MBOAT7: variants seen among roughly 807,000 people sequenced by gnomAD.
MBOAT7 encodes the protein membrane-bound acylglycerophosphatidylinositol O-acyltransferase MBOAT7.
Under a neutral mutation model 47.4 loss-of-function variants are expected in MBOAT7, and 40 were observed. The observed-to-expected ratio is 0.84, with a 90% confidence interval of 0.66 to 1.10. MBOAT7 has a LOEUF of 1.10. MBOAT7 is among the 50% of genes least tolerant of loss of function. MBOAT7 has a pLI of 0.00. For synonymous variants in MBOAT7, 361 were observed against 292.0 expected (o/e 1.24, Z -2.41); for missense variants, 680 against 655.6 (o/e 1.04, Z -0.41).
intron 4 of MBOAT7, 102 bp downstream of exon 4, chr19:54,187,059 G>A: frequency 2.2e-6 from 3 of 1,371,418 alleles, no homozygotes; most frequent in Non-Finnish European, 2.9e-6. Flanking sequence ...CCCAGGGTGT[G>A]TTGGAGGTAA....
intron 7 of MBOAT7, among the ~76,000 whole-genome samples, chr19:54,177,558 T>TTGC (rs1380830488): frequency 1.3e-5 from 2 of 151,866 alleles, no homozygotes; most frequent in Non-Finnish European, 2.9e-5. Context: ...GCCTCCCAAA[T>TTGC]TGCTGGGATT....
intron 7 of MBOAT7, 114 bp from the exon 8 acceptor site, chr19:54,174,545 G>A: frequency 9.0e-7 from 1 of 1,105,518 alleles, no homozygotes; most frequent in Non-Finnish European, 1.2e-6. Context: ...AGAAGTGCAG[G>A]CCCAGCCCCT....
In MBOAT7 at chr19:54,173,451, G is replaced by A. The variant is rs2075968825; in HGVS notation, c.*593C>T. ...ACTTTATTGGGAAAGATTTACACAC[G>A]GTGACCTGTCATAGGCCAAGCGATG... On this transcript the variant is annotated 3_prime_UTR_variant, in exon 8 of 8. Transcript: ENST00000245615. The A allele has an allele frequency of 3.9e-6, 1 of 259,516 alleles. No homozygotes were observed. The highest frequency in any genetic ancestry group is 5.1e-5 in the Admixed American group (1 of 19,564). The allele number at this position is 259,516 out of a possible 1,614,324, so 16.1% of individuals were successfully genotyped here. A position where few individuals can be genotyped will look rare whatever the true frequency, so the allele number is the denominator to read the frequency against.
rs138088656 is a variant in MBOAT7, at chr19:54,187,142, G to T, written c.333+19C>A. 7,561 of 1,546,420 alleles carry T rather than the reference G, an allele frequency of 4.9e-3. 16 individuals are homozygous for T. The highest frequency in any genetic ancestry group is 6.1e-3 in the Non-Finnish European group (7,012 of 1,148,616). ...GCCCACAGGGAGGCTGGAGGGGAGT[G>T]GCAAGCCCCGAGTCTGACCTTCAGC... On this transcript the variant is annotated intron_variant, in intron 4 of 7. Transcript: ENST00000245615.
In MBOAT7 at chr19:54,181,074, C is replaced by T; in HGVS notation, c.553G>A (p.Val185Met). The T allele has an allele frequency of 6.5e-7, 1 of 1,528,546 alleles. No homozygotes were observed. The highest frequency in any genetic ancestry group is 8.8e-7 in the Non-Finnish European group (1 of 1,137,690). The allele number at this position is 1,528,546 out of a possible 1,614,324, so 94.7% of individuals were successfully genotyped here. A position where few individuals can be genotyped will look rare whatever the true frequency, so the allele number is the denominator to read the frequency against. The change falls in exon 6 of 8, where the codon GTG (valine) becomes ATG (methionine). Residue 185 changes from valine to methionine, a missense_variant. By Grantham distance (21) the Val-to-Met change is conservative. Transcript: ENST00000245615. ...DWLEQPFPGA[V>M]PSLRPLLRRA... is the part of the protein sequence containing the mutation. ...CGCAGCAGGGGCCGCAGGCTGGGCA[C>T]TGCCCCGGGGAAGGGCTGCTCCAGC...
chr19:54,182,499 T>TG (rs1399208526), intron 5 of MBOAT7, among the ~76,000 whole-genome samples: 1 of 62,304 alleles, frequency 1.6e-5, no homozygotes, highest in Non-Finnish European at 3.4e-5. Context: ...GTATGTTTTG[T>TG]GTTTTGTTTT....
chr19:54,175,252 A>G (rs1172255762), intron 7 of MBOAT7, among the ~76,000 whole-genome samples: 1 of 152,180 alleles, frequency 6.6e-6, no homozygotes, highest in African/African-American at 2.4e-5. Flanking sequence ...TGCTGGGATC[A>G]CAGGTGTCAG....
In MBOAT7 at chr19:54,176,100, C is replaced by T. The variant is rs566738315; in HGVS notation, c.1032-1669G>A. The stretch of plus-strand genomic sequence containing the variant: ...TCGATCTCCTGACCTTGTGATCCAC[C>T]CACCTTGGCCTCCCAAAGTGCTGGG... On this transcript the variant is annotated intron_variant, in intron 7 of 7. Coordinates refer to ENST00000245615, the MANE Select transcript of MBOAT7 (RefSeq NM_024298.5). Among the ~76,000 whole-genome samples, 18 of 152,180 alleles carry T rather than the reference C, an allele frequency of 1.2e-4. No homozygotes were observed. In the South Asian group the frequency reaches 3.7e-3, roughly 32 times the overall value.
chr19:54,174,483 A>G (rs768989947), intron 7 of MBOAT7, 52 bp from the exon 8 acceptor site: 7 of 1,464,342 alleles, frequency 4.8e-6, no homozygotes, highest in South Asian at 2.8e-5. Flanking sequence ...CCCAGTGCCC[A>G]CTGCCCCCAG....
In MBOAT7 at chr19:54,174,267, T is replaced by G. The variant is rs2076008543; in HGVS notation, c.1196A>C (p.His399Pro). The G allele has an allele frequency of 6.2e-7, 1 of 1,611,726 alleles. No homozygotes were observed. Among genetic ancestry groups the G allele is most frequent in the Non-Finnish European group, 8.5e-7 (1 of 1,178,762 alleles). ...PGGQKAWDWV[H>P]WFLKMRAYDY... ...ATAGGCGCGCATCTTCAGGAACCAG[T>G]GCACCCAGTCCCAGGCCTTCTGGCC... Residue 399 changes from histidine to proline, a missense_variant, in exon 8 of 8, where the codon CAC becomes CCC. Coordinates refer to ENST00000245615, the MANE Select transcript of MBOAT7 (RefSeq NM_024298.5).
At chr19:54,175,273 C>T (rs1213311472) in intron 7 of MBOAT7, among the ~76,000 whole-genome samples, 1 of 152,176 alleles carries the variant, frequency 6.6e-6, no homozygotes, top group African/African-American at 2.4e-5. Flanking sequence ...ACACCACACC[C>T]GGGCAGCCCG....
chr19:54,188,264 A>T lies in MBOAT7; in HGVS notation c.159T>A (p.Ser53=), dbSNP rs148096052. The T allele has an allele frequency of 5.3e-5, 85 of 1,613,772 alleles. No individual in the cohort carries two copies. The highest frequency in any genetic ancestry group is 7.2e-5 in the Non-Finnish European group (85 of 1,179,938). ...CCCAGGTCCCGAGGATGGTGACCAG[A>T]GAATGCAAAGTGTGGGGGCCACAGG... is the stretch of plus-strand genomic sequence containing the variant. ...LFTCGPHTLH[S]LVTILGTWAL... is the part of the protein sequence containing the mutation. Residue 53 remains serine, a synonymous_variant, in exon 3 of 8, where the codon TCT becomes TCA. Coordinates refer to ENST00000245615, the MANE Select transcript of MBOAT7 (RefSeq NM_024298.5).
Position 54,181,081 on chromosome 19 carries a change from G to A in MBOAT7, c.546C>T (p.Pro182=), listed in dbSNP as rs754522503. 752 of 1,525,134 alleles carry A rather than the reference G, an allele frequency of 4.9e-4. No individual in the cohort carries two copies. The highest frequency in any genetic ancestry group is 6.0e-4 in the Non-Finnish European group (680 of 1,136,148). The allele number at this position is 1,525,134 out of a possible 1,614,324, so 94.5% of individuals were successfully genotyped here. ...TYLDWLEQPF[P]GAVPSLRPLL... is the part of the protein sequence containing the mutation. ...GGGGCCGCAGGCTGGGCACTGCCCC[G>A]GGGAAGGGCTGCTCCAGCCAGTCCA... The change falls in exon 6 of 8, where the codon CCC becomes CCT. Residue 182 remains proline (P), a synonymous_variant. Coordinates refer to ENST00000245615, the MANE Select transcript of MBOAT7 (RefSeq NM_024298.5).
rs139767697 is a variant in MBOAT7, at chr19:54,180,330, G to A, written c.854+443C>T. On this transcript the variant is annotated intron_variant, in intron 6 of 7. Coordinates refer to ENST00000245615, the MANE Select transcript of MBOAT7 (RefSeq NM_024298.5). The surrounding 1 kb of genome is among the most constrained non-coding windows in gnomAD (Gnocchi z 5.2). The stretch of plus-strand genomic sequence containing the variant: ...TCTGGTAAAAAGGAGGTGAGCTACT[G>A]TTGCTAGGGATCCTGCTTCCCTAGC... 3.9e-3 allele frequency: 619 copies of A among 160,532 alleles called. 2 individuals carry two copies. The highest frequency in any genetic ancestry group is 6.3e-3 in the Non-Finnish European group (466 of 73,904). The allele number at this position is 160,532 out of a possible 1,614,324, so 9.9% of individuals were successfully genotyped here.
At chr19:54,182,112 C>T (rs2147001004) in intron 5 of MBOAT7, among the ~76,000 whole-genome samples, 1 of 151,858 alleles carries the variant, frequency 6.6e-6, no homozygotes, top group African/African-American at 2.4e-5. Flanking sequence ...AGCTGTGGCA[C>T]TTTAGCTACA....
At chr19:54,184,547 T>C (rs2076378111) in intron 4 of MBOAT7, among the ~76,000 whole-genome samples, 1 of 152,062 alleles carries the variant, frequency 6.6e-6, no homozygotes, top group Non-Finnish European at 1.5e-5. Context: ...TAAGATGGCC[T>C]TGGGCTGGCT....
intron 7 of MBOAT7, among the ~76,000 whole-genome samples, chr19:54,175,247 G>A (rs1056250352): frequency 6.6e-6 from 1 of 152,186 alleles, no homozygotes; most frequent in Non-Finnish European, 1.5e-5. Flanking sequence ...CAAAGTGCTG[G>A]GATCACAGGT....
At chr19:54,182,207 C>T (rs981314306) in intron 5 of MBOAT7, among the ~76,000 whole-genome samples, 1 of 150,748 alleles carries the variant, frequency 6.6e-6, no homozygotes, top group Non-Finnish European at 1.5e-5. Context: ...TCACAAAGGC[C>T]GTATGTTTAG....
intron 6 of MBOAT7, chr19:54,179,400 C>T (rs2076205711): frequency 5.7e-6 from 1 of 175,422 alleles, no homozygotes; most frequent in Non-Finnish European, 1.2e-5. Flanking sequence ...CCAGTGGGGT[C>T]CCCATGATCT....
Sources: gnomAD v4.1 joint callset for allele counts (sites outside exome capture counted in the v4.1 genomes callset) on GRCh38, gnomAD v4.1.1 for gene constraint, Gnocchi (gnomAD v3.1) non-coding constraint, MANE v1.5 for transcripts, NCBI Gene and HGNC (gene_info 2026-07-23, HGNC 2026-07-21) for gene names.